PKIB: variants seen among roughly 807,000 people sequenced by gnomAD.
PKIB encodes PKI-beta.
A neutral mutation model predicts 4.5 loss-of-function variants in PKIB; 2 were observed. That is an observed-to-expected ratio of 0.44 (90% CI 0.18 to 1.39). The LOEUF (loss-of-function observed/expected upper bound fraction) is 1.39, where lower values mean the gene tolerates loss of function less well. Among genes scored for constraint, PKIB ranks in the 40% most tolerant of loss-of-function variants. The pLI, the probability that PKIB is intolerant of heterozygous loss-of-function variation, is 0.27. For missense variants in PKIB, 94 were observed against 92.6 expected (o/e 1.02, Z -0.06); for synonymous variants, 38 against 36.0 (o/e 1.06, Z -0.20).
intron 2 of PKIB, among the ~76,000 whole-genome samples, chr6:122,539,006 G>A (rs1777500287): frequency 6.6e-6 from 1 of 152,010 alleles, no homozygotes; most frequent in South Asian, 2.1e-4. Context: ...GTATAAGAAT[G>A]CTTCTGATTT....
At chr6:122,611,067 G>A (rs1352967449) in intron 1 of PKIB, among the ~76,000 whole-genome samples, 1 of 152,194 alleles carries the variant, frequency 6.6e-6, no homozygotes, top group Non-Finnish European at 1.5e-5. Context: ...TATGGAGGTG[G>A]GTAGACCGAG....
intron 2 of PKIB, among the ~76,000 whole-genome samples, chr6:122,571,306 C>CTAAGAGTTTGGAGAACTTATTTTAAGGAA (rs1773361273): frequency 1.3e-5 from 2 of 152,146 alleles, no homozygotes; most frequent in South Asian, 4.1e-4. Flanking sequence ...GAAGAGAAGT[C>CTAAGAGTTTGGAGAACTTATTTTAAGGAA]TAAGAGTTTG....
At chr6:122,496,995 C>G (rs1776092130) in intron 2 of PKIB, among the ~76,000 whole-genome samples, 1 of 152,290 alleles carries the variant, frequency 6.6e-6, no homozygotes. Flanking sequence ...AGATTACATG[C>G]AAAGGCAACC....
At chr6:122,720,652 G>A (rs1199542850) in intron 4 of PKIB, among the ~76,000 whole-genome samples, 1 of 152,028 alleles carries the variant, frequency 6.6e-6, no homozygotes, top group Non-Finnish European at 1.5e-5. Flanking sequence ...ATATAGGTCT[G>A]GTGGATCAGA....
At chr6:122,596,284 C>T (rs900551635) in intron 3 of PKIB, among the ~76,000 whole-genome samples, 1 of 152,188 alleles carries the variant, frequency 6.6e-6, no homozygotes, top group Admixed American at 6.5e-5. Flanking sequence ...AGGCCCTAGT[C>T]TTCTCTTCCT....
At chr6:122,491,010 G>A (rs982937630) in intron 2 of PKIB, among the ~76,000 whole-genome samples, 1 of 152,152 alleles carries the variant, frequency 6.6e-6, no homozygotes, top group Admixed American at 6.5e-5. Flanking sequence ...GAAAAAATTT[G>A]AGGGGCATAA....
At chr6:122,581,639 A>G (rs1368764006) in intron 2 of PKIB, 2 of 152,128 alleles carry the variant, frequency 1.3e-5, no homozygotes, top group Admixed American at 6.6e-5. Context: ...CTCTTACACA[A>G]ACATAATCCT....
At chr6:122,554,492 G>A (rs1772780304) in intron 2 of PKIB, among the ~76,000 whole-genome samples, 2 of 152,140 alleles carry the variant, frequency 1.3e-5, no homozygotes, top group African/African-American at 4.8e-5. Flanking sequence ...CATAATGCTT[G>A]CATTTGAATA....
At chr6:122,606,988 C>T (rs1048930125), upstream of PKIB, among the ~76,000 whole-genome samples, 5 of 151,792 alleles carry the variant, frequency 3.3e-5, no homozygotes, top group African/African-American at 7.3e-5. Context: ...CTTGCTTCAC[C>T]CATGCAAGAA....
chr6:122,525,057 T>C (rs1374012522), intron 2 of PKIB, among the ~76,000 whole-genome samples: 1 of 148,100 alleles, frequency 6.8e-6, no homozygotes, highest in Non-Finnish European at 1.5e-5. Flanking sequence ...GTTAGGTTGT[T>C]AATTTTTTTT....
intron 3 of PKIB, among the ~76,000 whole-genome samples, chr6:122,704,690 T>C (rs1358467230): frequency 6.6e-6 from 1 of 151,928 alleles, no homozygotes; most frequent in African/African-American, 2.4e-5. Context: ...TGCAGTGTCA[T>C]GTTAATGGCA....
chr6:122,688,867 G>A (rs1314482741), intron 3 of PKIB, among the ~76,000 whole-genome samples: 3 of 149,702 alleles, frequency 2.0e-5, no homozygotes, highest in Non-Finnish European at 3.0e-5. Flanking sequence ...TGCAAGCTCC[G>A]CCTCCCGGGT....
intron 3 of PKIB, among the ~76,000 whole-genome samples, chr6:122,597,574 G>A (rs1198730836): frequency 6.6e-6 from 1 of 152,232 alleles, no homozygotes; most frequent in East Asian, 1.9e-4. Context: ...AAATGGAAGA[G>A]TTGAATGGGG....
At position 122,621,205 on chromosome 6, in the gene PKIB, T is replaced by C. The variant is rs1430811; in HGVS notation, c.-161+10670T>C. Among the ~76,000 whole-genome samples, 1,171 of 152,298 alleles carry C rather than the reference T, an allele frequency of 7.7e-3. 14 individuals are homozygous for C. The highest frequency in any genetic ancestry group is 9.7e-3 in the Non-Finnish European group (657 of 68,018). On this transcript the variant is annotated intron_variant, in intron 1 of 4. Transcript: ENST00000368452. ...ACTTTACTACCTGTCTCTGATATTATAGGTTAATGGCTTCTGGGGGGATTA... is the reference window on the plus strand; with the variant it reads ...ACTTTACTACCTGTCTCTGATATTACAGGTTAATGGCTTCTGGGGGGATTA...
chr6:122,549,897 C>T (rs1420008379), intron 2 of PKIB, among the ~76,000 whole-genome samples: 1 of 145,342 alleles, frequency 6.9e-6, no homozygotes, highest in East Asian at 2.1e-4. Context: ...TATATACACA[C>T]ACACACACAC....
chr6:122,667,543 T>TA (rs1777281701), intron 2 of PKIB, among the ~76,000 whole-genome samples: 1 of 151,430 alleles, frequency 6.6e-6, no homozygotes, highest in Admixed American at 6.6e-5. Flanking sequence ...TCAAAAAAAA[T>TA]AAAAATGAAA....
At chr6:122,628,286 C>T (rs1775549020) in intron 1 of PKIB, among the ~76,000 whole-genome samples, 1 of 152,224 alleles carries the variant, frequency 6.6e-6, no homozygotes, top group African/African-American at 2.4e-5. Flanking sequence ...ATCCGCCTAC[C>T]TCGGCCTCCC....
At chr6:122,642,605 T>C (rs1359548518) in intron 2 of PKIB, among the ~76,000 whole-genome samples, 27 of 152,186 alleles carry the variant, frequency 1.8e-4, no homozygotes, top group Admixed American at 1.8e-3. Context: ...GGTAGGAGAA[T>C]GTGGTCTGGA....
At chr6:122,634,159 G>A (rs1027180484) in intron 2 of PKIB, among the ~76,000 whole-genome samples, 1 of 152,030 alleles carries the variant, frequency 6.6e-6, no homozygotes, top group African/African-American at 2.4e-5. Flanking sequence ...ATTAAACAAT[G>A]AGAACACATG....
Sources: allele counts gnomAD v4.1 joint callset (sites outside exome capture counted in the v4.1 genomes callset), GRCh38; gene constraint gnomAD v4.1.1; transcripts MANE v1.5; gene names NCBI Gene and HGNC (gene_info 2026-07-23, HGNC 2026-07-21).